Variants in FRAS1 observed in about 807,000 individuals in gnomAD.
FRAS1 encodes extracellular matrix organizing protein FRAS1.
A neutral mutation model predicts 435.2 loss-of-function variants in FRAS1; 290 were observed. That is an observed-to-expected ratio of 0.67 (90% CI 0.61 to 0.73). FRAS1 has a LOEUF of 0.73. Among genes scored for constraint, FRAS1 ranks in the 30% least tolerant of loss-of-function variants. FRAS1 has a pLI of 0.00. For missense variants in FRAS1, 4,860 were observed against 5,001.5 expected (o/e 0.97, Z 0.85); for synonymous variants, 1,800 against 1,851.0 (o/e 0.97, Z 0.71).
At chr4:78,464,287 C>A in intron 48 of FRAS1, 142 bp downstream of exon 48, 1 of 1,367,602 alleles carries the variant, frequency 7.3e-7, no homozygotes, top group Non-Finnish European at 9.9e-7. Context: ...CCTCTGTAGC[C>A]ACCTTGGCTC....
rs763682101 is a variant in FRAS1 at position 78,466,225 on chromosome 4, C to G, written c.7047C>G (p.Phe2349Leu). 6 of 1,613,782 alleles carry G rather than the reference C, an allele frequency of 3.7e-6. No homozygotes were observed. In the African/African-American group the frequency reaches 8.0e-5, roughly 22 times the overall value. Residue 2349 changes from phenylalanine (F) to leucine (L), a missense_variant, in exon 50 of 74, where the codon TTC (phenylalanine) becomes TTG (leucine). Coordinates refer to ENST00000512123, the MANE Select transcript of FRAS1 (RefSeq NM_025074.7). The part of the protein sequence containing the change: ...DADTEAESVT[F>L]TIVQPPRHGT... ...CCGGACAGGCCGAGTCTGTCACATT[C>G]ACCATCGTGCAGCCTCCACGCCATG...
At chr4:78,250,857 T>G (rs1375073720) in intron 4 of FRAS1, among the ~76,000 whole-genome samples, 1 of 152,224 alleles carries the variant, frequency 6.6e-6, no homozygotes, top group East Asian at 1.9e-4. Flanking sequence ...ATTTTATAAT[T>G]AGTATTTTTT....
intron 38 of FRAS1, among the ~76,000 whole-genome samples, chr4:78,435,128 T>C (rs1734364117): frequency 6.6e-6 from 1 of 152,036 alleles, no homozygotes; most frequent in South Asian, 2.1e-4. Context: ...TGTTAGCTCA[T>C]ACCTGTAGTC....
intron 17 of FRAS1, among the ~76,000 whole-genome samples, chr4:78,318,578 G>A (rs1578249491): frequency 6.6e-6 from 1 of 152,164 alleles, no homozygotes; most frequent in Non-Finnish European, 1.5e-5. Flanking sequence ...TGTTGTTGTT[G>A]TCTAGCCCGA....
chr4:78,082,193 G>T (rs1464521333), intron 2 of FRAS1, among the ~76,000 whole-genome samples: 3 of 151,932 alleles, frequency 2.0e-5, no homozygotes, highest in Non-Finnish European at 4.4e-5. Flanking sequence ...ATTCCCACTG[G>T]CACCCATAAA....
At chr4:78,171,372 A>G (rs1462284862) in intron 2 of FRAS1, among the ~76,000 whole-genome samples, 1 of 152,116 alleles carries the variant, frequency 6.6e-6, no homozygotes, top group Non-Finnish European at 1.5e-5. Flanking sequence ...ACCATTCTCT[A>G]CTGCCTCTTT....
At chr4:78,216,720 G>A (rs993113906) in intron 2 of FRAS1, among the ~76,000 whole-genome samples, 2 of 152,172 alleles carry the variant, frequency 1.3e-5, no homozygotes, top group African/African-American at 2.4e-5. Context: ...GCCATGAAGC[G>A]AAATGGAAAG....
chr4:78,332,502 A>G (rs574905713), intron 18 of FRAS1, among the ~76,000 whole-genome samples: 94 of 152,320 alleles, frequency 6.2e-4, no homozygotes, highest in Non-Finnish European at 1.1e-3. Context: ...CTTAATGCTA[A>G]TGCTTATAGC....
Position 78,479,557 on chromosome 4 carries a change from G to A in FRAS1, c.8282G>A (p.Ser2761Asn). 6.2e-7 allele frequency: 1 copy of A among 1,613,992 alleles called. No individual in the cohort carries two copies. Among genetic ancestry groups the A allele is most frequent in the Non-Finnish European group, 8.5e-7 (1 of 1,179,838 alleles). Residue 2761 changes from serine (S) to asparagine (N), a missense_variant, in exon 56 of 74, where the codon AGC (serine) becomes AAC (asparagine). Coordinates refer to ENST00000512123, the MANE Select transcript of FRAS1 (RefSeq NM_025074.7). ...TGTGATGTCATGCTTATTGATGACAGCGAGTATGAAGAGGAAGAAGAGTTT... is the reference window on the plus strand; with the variant it reads ...TGTGATGTCATGCTTATTGATGACAACGAGTATGAAGAGGAAGAAGAGTTT... ...STCDVMLIDD[S>N]EYEEEEEFEI...
At position 78,275,477 on chromosome 4, in the gene FRAS1, G is replaced by A. The variant is rs183256374; in HGVS notation, c.982-3178G>A. Among the ~76,000 whole-genome samples, 874 of 152,252 alleles carry A rather than the reference G, an allele frequency of 5.7e-3. 9 individuals are homozygous for A. Among genetic ancestry groups the A allele is most frequent in the African/African-American group, 0.02 (823 of 41,532 alleles). ...CCGGTTGTTCCTTTCCATGTTTAGT[G>A]CTTCCTTCAGGAGCTCTTTTAGGGC... On this transcript the variant is annotated intron_variant, in intron 9 of 73. Transcript: ENST00000512123.
At chr4:78,213,317 A>G (rs1308708297) in intron 2 of FRAS1, among the ~76,000 whole-genome samples, 1 of 152,216 alleles carries the variant, frequency 6.6e-6, no homozygotes, top group Non-Finnish European at 1.5e-5. Flanking sequence ...ACATGAACAT[A>G]TTTCTCCTCC....
intron 18 of FRAS1, among the ~76,000 whole-genome samples, chr4:78,322,922 T>C (rs1419722506): frequency 2.0e-5 from 3 of 151,998 alleles, no homozygotes; most frequent in African/African-American, 7.3e-5. Flanking sequence ...GTGAGAGAAA[T>C]AGATAATAAA....
At chr4:78,210,087 C>T (rs1203773776) in intron 2 of FRAS1, among the ~76,000 whole-genome samples, 1 of 152,222 alleles carries the variant, frequency 6.6e-6, no homozygotes, top group African/African-American at 2.4e-5. Flanking sequence ...TGGTAGCACA[C>T]AGCACACTGT....
intron 29 of FRAS1, among the ~76,000 whole-genome samples, chr4:78,394,621 A>T (rs1358816928): frequency 6.6e-6 from 1 of 152,014 alleles, no homozygotes; most frequent in African/African-American, 2.4e-5. Context: ...TTTGTAATGT[A>T]ATTTGGAATT....
At chr4:78,176,765 T>C (rs1326503301) in intron 2 of FRAS1, among the ~76,000 whole-genome samples, 3 of 152,192 alleles carry the variant, frequency 2.0e-5, no homozygotes, top group African/African-American at 7.2e-5. Flanking sequence ...TTAACTCACA[T>C]ACTTCTAAGT....
intron 2 of FRAS1, among the ~76,000 whole-genome samples, chr4:78,125,031 C>A (rs539101926): frequency 2.6e-4 from 39 of 152,220 alleles, no homozygotes; most frequent in African/African-American, 7.9e-4. Context: ...CTTCTGCTAG[C>A]TTTTGAATGT....
intron 7 of FRAS1, among the ~76,000 whole-genome samples, chr4:78,266,072 A>G (rs182532592): frequency 3.0e-4 from 46 of 152,340 alleles, no homozygotes; most frequent in East Asian, 2.9e-3. Context: ...ATCTTCAACT[A>G]CAAGGAACAG....
At chr4:78,104,398 G>T (rs980893481) in intron 2 of FRAS1, among the ~76,000 whole-genome samples, 6 of 152,174 alleles carry the variant, frequency 3.9e-5, no homozygotes, top group African/African-American at 1.4e-4. Context: ...AGATGGGTGG[G>T]GAAGAGGGAG....
chr4:78,484,048 G>A (rs6849354), intron 58 of FRAS1, among the ~76,000 whole-genome samples: 3,879 of 151,924 alleles, frequency 0.026, 192 homozygotes, highest in African/African-American at 0.087. Context: ...TGCCTTTGTC[G>A]TCTGTGTCTC....
Sources: allele counts gnomAD v4.1 joint callset (sites outside exome capture counted in the v4.1 genomes callset), GRCh38; gene constraint gnomAD v4.1.1; transcripts MANE v1.5; gene names NCBI Gene and HGNC (gene_info 2026-07-23, HGNC 2026-07-21).